Variants in ALMS1 observed in about 807,000 individuals in gnomAD.
ALMS1 encodes centrosome-associated protein ALMS1.
Under a neutral mutation model 352.2 loss-of-function variants are expected in ALMS1, and 271 were observed. The observed-to-expected ratio is 0.77, with a 90% confidence interval of 0.70 to 0.85. ALMS1 has a LOEUF of 0.85. ALMS1 is among the 40% of genes least tolerant of loss of function. ALMS1 has a pLI of 0.00. For synonymous variants in ALMS1, 1,865 were observed against 1,761.2 expected (o/e 1.06, Z -1.48); for missense variants, 5,445 against 4,870.7 (o/e 1.12, Z -3.51).
intron 9 of ALMS1, among the ~76,000 whole-genome samples, chr2:73,468,367 AT>A (rs1043334670): frequency 6.6e-6 from 1 of 151,844 alleles, no homozygotes; most frequent in Non-Finnish European, 1.5e-5. Flanking sequence ...GTTTCTTTAA[AT>A]TTTTTTTATC....
intron 15 of ALMS1, among the ~76,000 whole-genome samples, chr2:73,561,520 AAAGTAGC>A (rs1224429829): frequency 1.3e-5 from 2 of 152,150 alleles, no homozygotes; most frequent in Non-Finnish European, 2.9e-5. Context: ...TGAAATATCT[AAAGTAGC>A]TGAAATCATA....
At chr2:73,466,971 A>G (rs1300531684) in intron 9 of ALMS1, among the ~76,000 whole-genome samples, 1 of 152,188 alleles carries the variant, frequency 6.6e-6, no homozygotes, top group Admixed American at 6.5e-5. Flanking sequence ...TTTCTATAAT[A>G]ACCCTGTCCC....
chr2:73,481,358 C>T (rs956753088), intron 9 of ALMS1, among the ~76,000 whole-genome samples: 2 of 152,062 alleles, frequency 1.3e-5, no homozygotes, highest in Non-Finnish European at 2.9e-5. Context: ...GCTTGTTTTT[C>T]TCAGGTTTGT....
chr2:73,548,074 A>G (rs1674357664), intron 12 of ALMS1, among the ~76,000 whole-genome samples: 1 of 152,178 alleles, frequency 6.6e-6, no homozygotes, highest in Admixed American at 6.6e-5. Context: ...AAGATGATCA[A>G]AATGTCTGCT....
Position 73,453,105 on chromosome 2 carries a change from A to G in ALMS1, c.6578A>G (p.Glu2193Gly). ...TVPSGTYSHG[E>G]NHKLVSEHVQ... ...CCCTCTGGTACTTACTCACATGGTG[A>G]GAATCACAAGCTTGTTTCAGAACAT... Residue 2193 changes from glutamate (E) to glycine (G), a missense_variant, in exon 8 of 23, where the codon GAG (glutamate) becomes GGG (glycine). Physicochemically the swap from Glu to Gly is moderately conservative, Grantham distance 98. Coordinates refer to ENST00000613296, the MANE Select transcript of ALMS1 (RefSeq NM_001378454.1). 2.5e-6 allele frequency: 4 copies of G among 1,614,102 alleles called. No homozygotes were observed. The highest frequency in any genetic ancestry group is 3.4e-6 in the Non-Finnish European group (4 of 1,179,992).
intron 2 of ALMS1, among the ~76,000 whole-genome samples, chr2:73,410,240 T>C (rs1199822038): frequency 6.6e-6 from 1 of 151,978 alleles, no homozygotes; most frequent in Non-Finnish European, 1.5e-5. Flanking sequence ...AATACAAAAA[T>C]TAGCCAGGCG....
At chr2:73,586,120 A>T (rs1356470062) in intron 16 of ALMS1, among the ~76,000 whole-genome samples, 1 of 151,692 alleles carries the variant, frequency 6.6e-6, no homozygotes, top group Non-Finnish European at 1.5e-5. Context: ...TTTTGTTGGG[A>T]TTATTTGTTC....
chr2:73,419,420 G>A (rs1671244410), intron 3 of ALMS1, 102 bp downstream of exon 3: 8 of 1,082,026 alleles, frequency 7.4e-6, no homozygotes, highest in African/African-American at 1.6e-5. Context: ...AAGGAGCTCT[G>A]TAGAGACCTA....
intron 10 of ALMS1, among the ~76,000 whole-genome samples, chr2:73,518,847 A>G (rs979832509): frequency 3.3e-5 from 5 of 152,132 alleles, no homozygotes; most frequent in Non-Finnish European, 5.9e-5. Flanking sequence ...ATAGTTTGCA[A>G]ATATTTTCTT....
chr2:73,387,512 C>T (rs1346565834), intron 1 of ALMS1, among the ~76,000 whole-genome samples: 1 of 151,288 alleles, frequency 6.6e-6, no homozygotes, highest in African/African-American at 2.4e-5. Context: ...GGGAAAGAGC[C>T]GTCTAGCTGA....
intron 2 of ALMS1, among the ~76,000 whole-genome samples, chr2:73,414,576 G>C (rs1356543404): frequency 6.8e-6 from 1 of 146,866 alleles, no homozygotes; most frequent in East Asian, 2.1e-4. Context: ...TCTTTGAAAG[G>C]AAGTATCACC....
intron 1 of ALMS1, among the ~76,000 whole-genome samples, chr2:73,387,548 TTGA>T (rs1670564332): frequency 6.6e-6 from 1 of 151,032 alleles, no homozygotes; most frequent in South Asian, 2.1e-4. Context: ...AAAGGTACTG[TTGA>T]TGAGAGAGAG....
chr2:73,512,391 A>AT (rs1306844704), intron 10 of ALMS1, among the ~76,000 whole-genome samples: 3,111 of 144,368 alleles, frequency 0.022, 113 homozygotes, highest in African/African-American at 0.069. Context: ...CCACTGTCAG[A>AT]TTTTTTTTTT....
chr2:73,565,028 T>C (rs989598103), intron 15 of ALMS1, among the ~76,000 whole-genome samples: 1 of 152,234 alleles, frequency 6.6e-6, no homozygotes, highest in African/African-American at 2.4e-5. Context: ...CAGACTCACA[T>C]GCCTTTCGGA....
At chr2:73,545,506 C>G (rs994398325) in intron 12 of ALMS1, among the ~76,000 whole-genome samples, 1 of 151,998 alleles carries the variant, frequency 6.6e-6, no homozygotes, top group Non-Finnish European at 1.5e-5. Context: ...GTATATTTTA[C>G]CACAGTTAAA....
intron 15 of ALMS1, among the ~76,000 whole-genome samples, chr2:73,570,019 A>T (rs1342933996): frequency 6.6e-6 from 1 of 152,204 alleles, no homozygotes; most frequent in Non-Finnish European, 1.5e-5. Flanking sequence ...GACCTATTAG[A>T]GACTTGCAGT....
intron 10 of ALMS1, among the ~76,000 whole-genome samples, chr2:73,496,661 G>C (rs1465545718): frequency 6.6e-6 from 1 of 151,634 alleles, no homozygotes; most frequent in Non-Finnish European, 1.5e-5. Flanking sequence ...AACTAATACT[G>C]GTTTTTCAGA....
At chr2:73,405,920 A>G (rs1558632449) in intron 1 of ALMS1, among the ~76,000 whole-genome samples, 1 of 152,182 alleles carries the variant, frequency 6.6e-6, no homozygotes, top group Non-Finnish European at 1.5e-5. Context: ...CAGAAAAGAT[A>G]CCTAATACTT....
Position 73,490,878 on chromosome 2 carries a change from G to C in ALMS1, c.8919G>C (p.Ala2973=), listed in dbSNP as rs116854981. Residue 2973 remains alanine, a synonymous_variant, in exon 10 of 23, where the codon GCG becomes GCC. Transcript: ENST00000613296. ...PISLEQCQSK[A]PGVDDQMNKH... ...CTCTTGAACAATGCCAAAGCAAAGCGCCAGGTGTAGATGACCAAATGAATA... is the reference window on the plus strand; with the variant it reads ...CTCTTGAACAATGCCAAAGCAAAGCCCCAGGTGTAGATGACCAAATGAATA... 6.2e-7 allele frequency: 1 copy of C among 1,613,850 alleles called. No homozygotes were observed. Among genetic ancestry groups the C allele is most frequent in the Non-Finnish European group, 8.5e-7 (1 of 1,180,008 alleles).
Sources: allele counts gnomAD v4.1 joint callset (sites outside exome capture counted in the v4.1 genomes callset), GRCh38; gene constraint gnomAD v4.1.1; transcripts MANE v1.5; gene names NCBI Gene and HGNC (gene_info 2026-07-23, HGNC 2026-07-21).